NOL4L: variants seen among roughly 807,000 people sequenced by gnomAD.
NOL4L encodes nucleolar protein 4-like.
A neutral mutation model predicts 64.5 loss-of-function variants in NOL4L; 7 were observed. That is an observed-to-expected ratio of 0.11 (90% CI 0.06 to 0.20). NOL4L has a LOEUF of 0.20. Among genes scored for constraint, NOL4L ranks in the 10% least tolerant of loss-of-function variants. The probability of loss-of-function intolerance (pLI) is 1.00; values close to 1 mark genes in which losing one functional copy is unlikely to be tolerated. For synonymous variants in NOL4L, 413 were observed against 401.0 expected, an observed-to-expected ratio of 1.03 and a Z score of -0.36; for missense variants, 680 against 967.1, an observed-to-expected ratio of 0.70 and a Z score of 3.94.
chr20:32,569,335 CAG>C (rs367572013), intron 1 of NOL4L, among the ~76,000 whole-genome samples: 57 of 152,262 alleles, frequency 3.7e-4, no homozygotes, highest in African/African-American at 1.3e-3. Context: ...GACTTTTGCT[CAG>C]AGAGTGATGA....
rs142790511 is a variant in NOL4L at position 32,475,125 on chromosome 20, C to T, written c.700-383G>A. The T allele has an allele frequency of 1.1e-3, 1,101 of 985,442 alleles. 7 individuals carry two copies. In the African/African-American group the frequency reaches 0.018, roughly 16 times the overall value. The allele number at this position is 985,442 out of a possible 1,614,324, so 61.0% of individuals were successfully genotyped here. A position where few individuals can be genotyped will look rare whatever the true frequency, so the allele number is the denominator to read the frequency against. ...ACCGGGGCTCACTCTGCACAGGACC[C>T]GGCGGCAAGAAGCGGGCAGCAGCAC... On this transcript the variant is annotated intron_variant, in intron 4 of 10. Transcript: ENST00000621426.
At chr20:32,493,271 C>G (rs1175010805) in intron 4 of NOL4L, among the ~76,000 whole-genome samples, 1 of 152,246 alleles carries the variant, frequency 6.6e-6, no homozygotes, top group Admixed American at 6.5e-5. Flanking sequence ...GGGCAGGTTA[C>G]CAAGAGAAAG....
intron 1 of NOL4L, among the ~76,000 whole-genome samples, chr20:32,564,119 C>T (rs549171307): frequency 1.3e-5 from 2 of 152,340 alleles, no homozygotes; most frequent in African/African-American, 4.8e-5. Flanking sequence ...TCCACCACGG[C>T]GGGCCCCAGG....
intron 1 of NOL4L, among the ~76,000 whole-genome samples, chr20:32,547,658 AG>A (rs1385173855): frequency 6.6e-6 from 1 of 152,136 alleles, no homozygotes; most frequent in Non-Finnish European, 1.5e-5. Flanking sequence ...GCCTGCCCCA[AG>A]GAAGCACCCA....
At chr20:32,486,679 CAG>C in intron 4 of NOL4L, 1 of 465,958 alleles carries the variant, frequency 2.1e-6, no homozygotes, top group Non-Finnish European at 4.4e-6. Flanking sequence ...TTATTAATGA[CAG>C]AGAAGAAAAT....
At chr20:32,488,821 C>CTT (rs1348835502) in intron 4 of NOL4L, among the ~76,000 whole-genome samples, 6 of 31,144 alleles carry the variant, frequency 1.9e-4, no homozygotes, top group South Asian at 1.1e-3. Flanking sequence ...TTCTTTCTTT[C>CTT]TTTCTTTTTC....
intron 3 of NOL4L, among the ~76,000 whole-genome samples, chr20:32,513,904 G>T (rs1223976251): frequency 6.6e-6 from 1 of 152,110 alleles, no homozygotes; most frequent in African/African-American, 2.4e-5. Flanking sequence ...TGCTGTAAAT[G>T]TTTTACCATA....
At chr20:32,501,128 A>C (rs1190930958) in intron 4 of NOL4L, among the ~76,000 whole-genome samples, 1 of 152,210 alleles carries the variant, frequency 6.6e-6, no homozygotes, top group Admixed American at 6.5e-5. Context: ...GACAACCAAT[A>C]TCTCAACCAG....
intron 5 of NOL4L, among the ~76,000 whole-genome samples, chr20:32,470,433 AG>A (rs1967964877): frequency 6.6e-6 from 1 of 152,252 alleles, no homozygotes; most frequent in African/African-American, 2.4e-5. Flanking sequence ...GCGTGGTGCC[AG>A]GCCCTGTGCT....
At chr20:32,478,242 T>TACACACACACACACACACAC (rs553898145) in intron 4 of NOL4L, among the ~76,000 whole-genome samples, 1 of 145,062 alleles carries the variant, frequency 6.9e-6, no homozygotes, top group African/African-American at 2.7e-5. Flanking sequence ...AGGCTATATT[T>TACACACACACACACACACAC]ACACACACAC....
chr20:32,556,058 C>T (rs572014689), intron 1 of NOL4L, among the ~76,000 whole-genome samples: 3 of 152,332 alleles, frequency 2.0e-5, no homozygotes, highest in African/African-American at 2.4e-5. Flanking sequence ...AGGGCACAGA[C>T]GGGGTCTGCC....
chr20:32,533,030 A>G (rs1366407451), intron 1 of NOL4L, among the ~76,000 whole-genome samples: 1 of 152,238 alleles, frequency 6.6e-6, no homozygotes, highest in African/African-American at 2.4e-5. Context: ...GCATGCCTGT[A>G]GTCTCAGCTA....
intron 1 of NOL4L, among the ~76,000 whole-genome samples, chr20:32,572,882 C>T (rs983321251): frequency 6.6e-6 from 1 of 152,152 alleles, no homozygotes; most frequent in Admixed American, 6.5e-5. Context: ...TATCCCCTGC[C>T]CCGGACTCCA....
At chr20:32,518,925 A>G (rs2017801278) in intron 3 of NOL4L, among the ~76,000 whole-genome samples, 1 of 152,242 alleles carries the variant, frequency 6.6e-6, no homozygotes, top group Admixed American at 6.5e-5. Context: ...GCATGCATCG[A>G]GGGAGTGTCC....
chr20:32,527,530 C>T (rs959584498), intron 2 of NOL4L, among the ~76,000 whole-genome samples: 1 of 152,118 alleles, frequency 6.6e-6, no homozygotes, highest in Non-Finnish European at 1.5e-5. Context: ...TCCCTCTCAC[C>T]CCCTTCAACC....
chr20:32,569,153 C>T (rs1979612256), intron 1 of NOL4L, among the ~76,000 whole-genome samples: 1 of 152,108 alleles, frequency 6.6e-6, no homozygotes. Flanking sequence ...GTGATAGGAA[C>T]CAACGACATT....
Position 32,447,824 on chromosome 20 carries a change from G to A in NOL4L, c.1823-8C>T. 1 of 1,539,532 alleles carries A rather than the reference G, an allele frequency of 6.5e-7. No individual in the cohort carries two copies. Among genetic ancestry groups the A allele is most frequent in the Non-Finnish European group, 8.8e-7 (1 of 1,142,054 alleles). ...TGCTGAGGTCCGTGGGCCCTGTGGAGAGGGAAGTAGGGTGAGAAGGGAGCA... is the reference window on the plus strand; with the variant it reads ...TGCTGAGGTCCGTGGGCCCTGTGGAAAGGGAAGTAGGGTGAGAAGGGAGCA... On this transcript the variant is annotated splice_polypyrimidine_tract_variant and splice_region_variant and intron_variant, in intron 10 of 10. Coordinates refer to ENST00000621426, the MANE Select transcript of NOL4L (RefSeq NM_001256798.2).
intron 5 of NOL4L, among the ~76,000 whole-genome samples, chr20:32,473,841 C>T (rs1452473323): frequency 6.6e-6 from 1 of 152,220 alleles, no homozygotes. Flanking sequence ...CAACCATCTC[C>T]TCCACGGAAA....
chr20:32,498,931 G>A (rs2016807012), intron 4 of NOL4L, among the ~76,000 whole-genome samples: 1 of 152,108 alleles, frequency 6.6e-6, no homozygotes, highest in South Asian at 2.1e-4. Context: ...CTAGGCTGGA[G>A]TGCAGTGGTG....
Sources: gnomAD v4.1 joint callset for allele counts (sites outside exome capture counted in the v4.1 genomes callset) on GRCh38, gnomAD v4.1.1 for gene constraint, MANE v1.5 for transcripts, NCBI Gene and HGNC (gene_info 2026-07-23, HGNC 2026-07-21) for gene names.